Variants in UNC13C observed in about 807,000 individuals in gnomAD.
UNC13C encodes the protein unc-13 homolog C.
Under a neutral mutation model 245.4 loss-of-function variants are expected in UNC13C, and 174 were observed. The observed-to-expected ratio is 0.71, with a 90% CI of 0.63 to 0.80. The LOEUF (loss-of-function observed/expected upper bound fraction) is 0.80. Among genes scored for constraint, UNC13C ranks in the 30% least tolerant of loss-of-function variants. The probability of loss-of-function intolerance (pLI) is 0.00; values close to 1 mark genes in which losing one functional copy is unlikely to be tolerated. For missense variants in UNC13C, 2,829 were observed against 2,602.9 expected (o/e 1.09, Z -1.89); for synonymous variants, 992 against 895.1 (o/e 1.11, Z -1.93).
At chr15:54,598,039 A>G (rs889269660) in intron 30 of UNC13C, among the ~76,000 whole-genome samples, 8 of 152,224 alleles carry the variant, frequency 5.3e-5, no homozygotes, top group Admixed American at 3.3e-4. Context: ...TAAGACTGGT[A>G]AAAACTTTCC....
chr15:54,171,644 T>C (rs984270746), intron 4 of UNC13C, among the ~76,000 whole-genome samples: 1 of 152,058 alleles, frequency 6.6e-6, no homozygotes, highest in African/African-American at 2.4e-5. Flanking sequence ...AATCCTCGTA[T>C]ACTGTTGGTG....
rs950149075 is a variant in UNC13C at position 54,628,286 on chromosome 15, A to T, written c.*1173A>T. On this transcript the variant is annotated 3_prime_UTR_variant, in exon 33 of 33. Coordinates refer to ENST00000260323, the MANE Select transcript of UNC13C (RefSeq NM_001080534.3). ...TTGACTTTTTAGAGTCTATGCCAAA[A>T]TATATGGCTGTAAAACAGTACTTTG... The T allele has an allele frequency of 6.6e-6, 1 of 152,250 alleles. No homozygotes were observed. The highest frequency in any genetic ancestry group is 1.5e-5 in the Non-Finnish European group (1 of 68,030). The allele number at this position is 152,250 out of a possible 1,614,324, so 9.4% of individuals were successfully genotyped here. A position where few individuals can be genotyped will look rare whatever the true frequency, so the allele number is the denominator to read the frequency against.
intron 17 of UNC13C, among the ~76,000 whole-genome samples, chr15:54,379,886 A>G (rs2039684503): frequency 6.6e-6 from 1 of 152,184 alleles, no homozygotes; most frequent in East Asian, 1.9e-4. Flanking sequence ...GAATGTATTT[A>G]TCATGCACAA....
chr15:54,021,173 A>AT (rs924185618), intron 2 of UNC13C, among the ~76,000 whole-genome samples: 26 of 149,354 alleles, frequency 1.7e-4, no homozygotes, highest in Middle Eastern at 3.5e-3. Flanking sequence ...CACCTTACAT[A>AT]TTTTTTTTTT....
chr15:54,037,172 C>T (rs1404018736), intron 2 of UNC13C, among the ~76,000 whole-genome samples: 1 of 152,228 alleles, frequency 6.6e-6, no homozygotes, highest in Non-Finnish European at 1.5e-5. Context: ...AGCACCACTG[C>T]TTCCATCTGT....
chr15:54,316,678 C>G (rs1488130118), intron 13 of UNC13C, among the ~76,000 whole-genome samples: 2 of 151,904 alleles, frequency 1.3e-5, no homozygotes, highest in African/African-American at 4.8e-5. Context: ...ATTTGTTGGA[C>G]CAACTTGTAG....
intron 2 of UNC13C, among the ~76,000 whole-genome samples, chr15:54,044,655 G>A (rs1327771207): frequency 1.3e-5 from 2 of 152,112 alleles, no homozygotes; most frequent in Non-Finnish European, 2.9e-5. Flanking sequence ...TCGTGGTGAG[G>A]TGGTATCTCA....
At chr15:54,609,625 C>A (rs1166652545) in intron 30 of UNC13C, among the ~76,000 whole-genome samples, 1 of 152,166 alleles carries the variant, frequency 6.6e-6, no homozygotes, top group Non-Finnish European at 1.5e-5. Context: ...AAAGCTAATA[C>A]ACTCAGCCAA....
chr15:54,389,152 T>C (rs1418308580), intron 17 of UNC13C, among the ~76,000 whole-genome samples: 2 of 152,212 alleles, frequency 1.3e-5, no homozygotes, highest in African/African-American at 4.8e-5. Flanking sequence ...TCCCAAAGTA[T>C]GTTCAGAAGA....
At chr15:53,960,139 T>G in the UNC13C span, among the ~76,000 whole-genome samples, 1 of 152,144 alleles carries the variant, frequency 6.6e-6, no homozygotes, top group South Asian at 2.1e-4. Context: ...TTACAAAGGT[T>G]TTTTGAATCT....
At chr15:54,542,098 A>G (rs1896272448) in intron 26 of UNC13C, among the ~76,000 whole-genome samples, 1 of 152,254 alleles carries the variant, frequency 6.6e-6, no homozygotes, top group African/African-American at 2.4e-5. Flanking sequence ...TGCCAAACCT[A>G]GGTGACCGAT....
At chr15:53,838,007 C>G in the UNC13C span, among the ~76,000 whole-genome samples, 1 of 151,960 alleles carries the variant, frequency 6.6e-6, no homozygotes, top group African/African-American at 2.4e-5. Flanking sequence ...GAATAATACT[C>G]CCTTGCTTAA....
At chr15:54,563,970 T>C (rs1302102462) in intron 29 of UNC13C, among the ~76,000 whole-genome samples, 1 of 152,052 alleles carries the variant, frequency 6.6e-6, no homozygotes, top group Non-Finnish European at 1.5e-5. Context: ...TCTTATATGC[T>C]GTCATTCCAG....
chr15:54,458,176 T>G (rs1247576916), intron 19 of UNC13C, among the ~76,000 whole-genome samples: 1 of 152,026 alleles, frequency 6.6e-6, no homozygotes, highest in East Asian at 1.9e-4. Flanking sequence ...TATTTAATTT[T>G]TATGTATTTG....
chr15:54,441,050 T>C (rs1890500702), intron 19 of UNC13C, among the ~76,000 whole-genome samples: 2 of 152,118 alleles, frequency 1.3e-5, no homozygotes, highest in South Asian at 2.1e-4. Flanking sequence ...TTCTATATAC[T>C]GAATATTTGT....
chr15:54,457,761 CTCTT>C (rs1204498432), intron 19 of UNC13C, among the ~76,000 whole-genome samples: 1 of 151,796 alleles, frequency 6.6e-6, no homozygotes, highest in East Asian at 1.9e-4. Context: ...TGGATCTTCT[CTCTT>C]CTTTTTCTTG....
At chr15:54,454,950 C>A (rs1371546364) in intron 19 of UNC13C, among the ~76,000 whole-genome samples, 1 of 151,636 alleles carries the variant, frequency 6.6e-6, no homozygotes, top group Non-Finnish European at 1.5e-5. Flanking sequence ...AAACTGTAGT[C>A]TTTTATCCCT....
intron 13 of UNC13C, among the ~76,000 whole-genome samples, chr15:54,318,986 G>C (rs545892697): frequency 6.6e-6 from 1 of 151,934 alleles, no homozygotes; most frequent in Non-Finnish European, 1.5e-5. Flanking sequence ...CAAGGTGGCA[G>C]CTAAAAAAGT....
At chr15:53,848,062 A>G in the UNC13C span, among the ~76,000 whole-genome samples, 1 of 151,210 alleles carries the variant, frequency 6.6e-6, no homozygotes, top group Non-Finnish European at 1.5e-5. Flanking sequence ...GATGTTCTCT[A>G]TTTCATTTCG....
Sources: allele counts gnomAD v4.1 joint callset (sites outside exome capture counted in the v4.1 genomes callset), GRCh38; gene constraint gnomAD v4.1.1; transcripts MANE v1.5; gene names NCBI Gene and HGNC (gene_info 2026-07-23, HGNC 2026-07-21).